Variants in SNTG1 observed in about 807,000 individuals in gnomAD.
SNTG1 encodes the protein gamma-1-syntrophin.
SNTG1 carries 39 observed loss-of-function variants against 74.7 expected under a neutral mutation model. The ratio of observed to expected loss-of-function variants is 0.52; its 90% CI spans 0.40 to 0.68. The LOEUF is 0.68. SNTG1 is among the 30% of genes least tolerant of loss of function. The pLI is 0.00. For synonymous variants in SNTG1, 254 were observed against 217.1 expected (o/e 1.17, Z -1.49); for missense variants, 685 against 609.5 (o/e 1.12, Z -1.30).
At chr8:50,158,495 A>C (rs939158479) in intron 1 of SNTG1, among the ~76,000 whole-genome samples, 1 of 152,194 alleles carries the variant, frequency 6.6e-6, no homozygotes, top group Non-Finnish European at 1.5e-5. Context: ...TCTATTTAGA[A>C]TAACAGGGTA....
At chr8:50,193,798 G>C (rs1057292633) in intron 2 of SNTG1, among the ~76,000 whole-genome samples, 3 of 152,108 alleles carry the variant, frequency 2.0e-5, no homozygotes, top group Admixed American at 6.6e-5. Context: ...TATTATGTTG[G>C]CTGTGGGTTT....
chr8:50,564,307 A>G (rs968935307), intron 12 of SNTG1, among the ~76,000 whole-genome samples: 3 of 152,122 alleles, frequency 2.0e-5, no homozygotes, highest in Non-Finnish European at 4.4e-5. Context: ...GATTCATTAT[A>G]GTTTGATGTA....
At chr8:50,305,575 T>C (rs1386980287) in intron 2 of SNTG1, among the ~76,000 whole-genome samples, 2 of 151,512 alleles carry the variant, frequency 1.3e-5, no homozygotes, top group Non-Finnish European at 3.0e-5. Context: ...TTCCATTCCA[T>C]TATTTTCCCA....
In SNTG1 at chr8:50,792,935, A is replaced by C; in HGVS notation, c.*106A>C. ...CATAACATCACCAAGTCGACAGTGG[A>C]GGCAAATCAAAATTTCGGCAGAAAA... On this transcript the variant is annotated 3_prime_UTR_variant, in exon 19 of 19. Coordinates refer to ENST00000642720, the MANE Select transcript of SNTG1 (RefSeq NM_018967.5). 7.7e-7 allele frequency: 1 copy of C among 1,296,370 alleles called. No homozygotes were observed. The highest frequency in any genetic ancestry group is 1.0e-6 in the Non-Finnish European group (1 of 974,644). The allele number at this position is 1,296,370 out of a possible 1,614,324, so 80.3% of individuals were successfully genotyped here.
At chr8:50,756,286 G>A (rs1284831692) in intron 18 of SNTG1, among the ~76,000 whole-genome samples, 2 of 151,598 alleles carry the variant, frequency 1.3e-5, no homozygotes, top group Admixed American at 1.3e-4. Context: ...CGTTTCTTTT[G>A]TGCATCATGC....
chr8:50,069,710 C>T (rs1332929453), intron 1 of SNTG1, among the ~76,000 whole-genome samples: 1 of 149,996 alleles, frequency 6.7e-6, no homozygotes, highest in Admixed American at 6.7e-5. Context: ...TTCCTCCTGA[C>T]TTCTCCCCAG....
chr8:49,913,287 AC>A (rs1805735353), intron 1 of SNTG1, among the ~76,000 whole-genome samples: 1 of 152,196 alleles, frequency 6.6e-6, no homozygotes. Context: ...AAAAGAGTCT[AC>A]CCCTTTGAAA....
At chr8:50,602,091 T>C (rs1460647655) in intron 13 of SNTG1, among the ~76,000 whole-genome samples, 2 of 152,084 alleles carry the variant, frequency 1.3e-5, no homozygotes, top group African/African-American at 2.4e-5. Context: ...TGTCTTTTGA[T>C]TGAGAGGTTA....
intron 8 of SNTG1, among the ~76,000 whole-genome samples, chr8:50,466,912 T>C (rs1170779797): frequency 1.3e-5 from 2 of 152,026 alleles, no homozygotes; most frequent in African/African-American, 2.4e-5. Flanking sequence ...TCATTAGTTC[T>C]AAGAGGTGTC....
intron 17 of SNTG1, among the ~76,000 whole-genome samples, chr8:50,733,708 G>A (rs776137436): frequency 8.6e-5 from 13 of 151,838 alleles, no homozygotes; most frequent in Non-Finnish European, 1.6e-4. Flanking sequence ...TCATGTGTTT[G>A]TTGGCTGCTT....
chr8:50,544,151 A>C (rs1449062351), intron 11 of SNTG1, among the ~76,000 whole-genome samples: 1 of 151,932 alleles, frequency 6.6e-6, no homozygotes, highest in Non-Finnish European at 1.5e-5. Flanking sequence ...TATTCTCTCT[A>C]TTCAATTTTC....
At position 50,075,224 on chromosome 8, in the gene SNTG1, G is replaced by A. The variant is rs73677841; in HGVS notation, c.-102-97337G>A. ...CTGCTCTGTGGTGCCCAGTCCCATC[G>A]ACCGCCCAGGGGCTGAGCAGTGCAG... is the stretch of plus-strand genomic sequence containing the variant. On this transcript the variant is annotated intron_variant, in intron 1 of 18. Coordinates refer to ENST00000642720, the MANE Select transcript of SNTG1 (RefSeq NM_018967.5). 5.1e-3 allele frequency among the ~76,000 whole-genome samples: 777 copies of A among 152,284 alleles called. 12 individuals are homozygous for A. The highest frequency in any genetic ancestry group is 0.018 in the African/African-American group (733 of 41,576).
At chr8:49,986,140 G>A (rs1356299432) in intron 1 of SNTG1, among the ~76,000 whole-genome samples, 1 of 152,144 alleles carries the variant, frequency 6.6e-6, no homozygotes, top group Non-Finnish European at 1.5e-5. Context: ...ACCTATCGAG[G>A]TAAGTTTCTG....
At chr8:50,131,047 T>A (rs2081300754) in intron 1 of SNTG1, among the ~76,000 whole-genome samples, 3 of 151,310 alleles carry the variant, frequency 2.0e-5, no homozygotes, top group East Asian at 3.9e-4. Flanking sequence ...AAAAACAGCA[T>A]GTTTAATTTC....
chr8:50,046,798 T>C (rs1471751980), intron 1 of SNTG1, among the ~76,000 whole-genome samples: 1 of 152,200 alleles, frequency 6.6e-6, no homozygotes, highest in Non-Finnish European at 1.5e-5. Flanking sequence ...AGGTATCTGA[T>C]TTTTTGATAT....
intron 1 of SNTG1, among the ~76,000 whole-genome samples, chr8:50,116,059 T>G (rs2080810517): frequency 6.6e-6 from 1 of 152,190 alleles, no homozygotes; most frequent in African/African-American, 2.4e-5. Flanking sequence ...AAGGCACTTT[T>G]TGAAGATCTT....
At chr8:50,421,315 G>A (rs1236991781) in intron 4 of SNTG1, among the ~76,000 whole-genome samples, 1 of 152,106 alleles carries the variant, frequency 6.6e-6, no homozygotes, top group African/African-American at 2.4e-5. Flanking sequence ...CATATTTATG[G>A]TTATTTCTTG....
chr8:50,085,872 C>T (rs1822836150), intron 1 of SNTG1, among the ~76,000 whole-genome samples: 1 of 152,162 alleles, frequency 6.6e-6, no homozygotes, highest in Non-Finnish European at 1.5e-5. Flanking sequence ...TTGTGTTGGA[C>T]CACTGAAATC....
chr8:50,633,424 G>T (rs2095016924), intron 13 of SNTG1, among the ~76,000 whole-genome samples: 1 of 152,178 alleles, frequency 6.6e-6, no homozygotes, highest in Non-Finnish European at 1.5e-5. Flanking sequence ...AAAACCAGTG[G>T]AATAGTTAGA....
Sources: gnomAD v4.1 joint callset for allele counts (sites outside exome capture counted in the v4.1 genomes callset) on GRCh38, gnomAD v4.1.1 for gene constraint, MANE v1.5 for transcripts, NCBI Gene and HGNC (gene_info 2026-07-23, HGNC 2026-07-21) for gene names.